Variants in NKAIN2 observed in about 807,000 individuals in gnomAD.
NKAIN2 encodes the protein sodium/potassium-transporting ATPase subunit beta-1-interacting protein 2.
A neutral mutation model predicts 32.6 loss-of-function variants in NKAIN2; 14 were observed. The observed-to-expected ratio is 0.43, with a 90% CI of 0.28 to 0.67. NKAIN2 has a LOEUF of 0.67. NKAIN2 is among the 30% of genes least tolerant of loss of function. NKAIN2 has a pLI of 0.17. For missense variants in NKAIN2, 198 were observed against 258.3 expected (o/e 0.77, Z 1.60); for synonymous variants, 80 against 87.2 (o/e 0.92, Z 0.46).
intron 6 of NKAIN2, among the ~76,000 whole-genome samples, chr6:124,821,697 C>G (rs1434003412): frequency 6.6e-6 from 1 of 152,160 alleles, no homozygotes; most frequent in African/African-American, 2.4e-5. Flanking sequence ...GATTTCAAGT[C>G]TCACTGGTCA....
intron 1 of NKAIN2, among the ~76,000 whole-genome samples, chr6:123,958,705 C>T (rs1409065664): frequency 6.6e-6 from 1 of 152,194 alleles, no homozygotes; most frequent in Non-Finnish European, 1.5e-5. Flanking sequence ...CTGGCTATTA[C>T]ATATTTCCTC....
At chr6:124,508,556 A>G (rs541033541) in intron 3 of NKAIN2, among the ~76,000 whole-genome samples, 10 of 151,812 alleles carry the variant, frequency 6.6e-5, no homozygotes, top group South Asian at 2.1e-4. Context: ...TGTTAGCCAG[A>G]ATGGTCTCGA....
At chr6:124,477,938 T>C (rs1777297371) in intron 3 of NKAIN2, among the ~76,000 whole-genome samples, 1 of 151,508 alleles carries the variant, frequency 6.6e-6, no homozygotes, top group South Asian at 2.1e-4. Flanking sequence ...TGCCAATGAA[T>C]ATCCTTTACA....
intron 3 of NKAIN2, among the ~76,000 whole-genome samples, chr6:124,488,387 A>G (rs1233996306): frequency 6.6e-6 from 1 of 152,014 alleles, no homozygotes; most frequent in African/African-American, 2.4e-5. Flanking sequence ...TTCTGTAATC[A>G]TATTATCTGC....
At chr6:124,178,766 G>T (rs1420160041) in intron 1 of NKAIN2, among the ~76,000 whole-genome samples, 1 of 152,146 alleles carries the variant, frequency 6.6e-6, no homozygotes, top group Non-Finnish European at 1.5e-5. Flanking sequence ...GGGCAATTTG[G>T]CTCTAGGCTC....
chr6:124,066,006 G>T (rs1438261274), intron 1 of NKAIN2, among the ~76,000 whole-genome samples: 1 of 152,094 alleles, frequency 6.6e-6, no homozygotes, highest in Non-Finnish European at 1.5e-5. Flanking sequence ...TTAAAGAGAA[G>T]GAAGTGGGGA....
rs9321001 is a variant in NKAIN2 at position 124,596,663 on chromosome 6, GGTGTGTGTGTGTGTGT to G, written c.274-61500_274-61485del. On this transcript the variant is annotated intron_variant, in intron 3 of 6. Coordinates refer to ENST00000368417, the MANE Select transcript of NKAIN2 (RefSeq NM_001040214.3). Reference sequence around the variant, plus strand: ...GAGAAACAGAACAAATAAACCATAGGGTGTGTGTGTGTGTGTGTGTGTGTGTGTGTGTGTGTGTAAG... The same window carrying G: ...GAGAAACAGAACAAATAAACCATAGGGTGTGTGTGTGTGTGTGTGTGTAAG... Among the ~76,000 whole-genome samples, 16 of 142,600 alleles carry G rather than the reference GGTGTGTGTGTGTGTGT, an allele frequency of 1.1e-4. No homozygotes were observed. The South Asian group carries it at 1.2e-3, about 11-fold the overall frequency. The allele number at this position is 142,600 out of a possible 152,430, so 93.6% of individuals were successfully genotyped here.
intron 2 of NKAIN2, among the ~76,000 whole-genome samples, chr6:124,312,247 C>G (rs1257372410): frequency 6.6e-6 from 1 of 152,112 alleles, no homozygotes; most frequent in Non-Finnish European, 1.5e-5. Context: ...AGATTTCTCC[C>G]CACCAGCAAG....
intron 3 of NKAIN2, among the ~76,000 whole-genome samples, chr6:124,504,367 G>A (rs1247768594): frequency 2.0e-5 from 3 of 151,994 alleles, no homozygotes; most frequent in Admixed American, 6.6e-5. Context: ...TTCCACACTT[G>A]GGCTAATTTC....
chr6:124,677,239 G>A (rs1272509949), intron 4 of NKAIN2, among the ~76,000 whole-genome samples: 1 of 152,190 alleles, frequency 6.6e-6, no homozygotes, highest in Non-Finnish European at 1.5e-5. Flanking sequence ...AAAGTGCTGG[G>A]ATTACAGGCG....
chr6:124,703,650 G>A (rs987402327), intron 4 of NKAIN2, among the ~76,000 whole-genome samples: 40 of 151,974 alleles, frequency 2.6e-4, no homozygotes, highest in African/African-American at 9.2e-4. Context: ...TCAGTCCCAC[G>A]AGCACAAGCC....
intron 1 of NKAIN2, among the ~76,000 whole-genome samples, chr6:123,959,908 A>T (rs2114608833): frequency 6.7e-6 from 1 of 150,176 alleles, no homozygotes; most frequent in East Asian, 2.0e-4. Context: ...GAGCAGAAGG[A>T]AATATGTCTT....
At chr6:124,475,729 G>C (rs1420600999) in intron 3 of NKAIN2, among the ~76,000 whole-genome samples, 1 of 152,102 alleles carries the variant, frequency 6.6e-6, no homozygotes, top group Non-Finnish European at 1.5e-5. Context: ...GTGAGCTGTA[G>C]TTCTGATTCA....
chr6:124,681,939 A>G (rs952798054), intron 4 of NKAIN2, among the ~76,000 whole-genome samples: 1 of 152,050 alleles, frequency 6.6e-6, no homozygotes, highest in African/African-American at 2.4e-5. Context: ...AAACCATGAA[A>G]GAAAGGAACA....
intron 3 of NKAIN2, among the ~76,000 whole-genome samples, chr6:124,426,247 G>A (rs549108502): frequency 6.6e-6 from 1 of 152,192 alleles, no homozygotes; most frequent in East Asian, 1.9e-4. Context: ...CTTTTCCAGT[G>A]GAAGAAAATC....
chr6:124,319,369 A>G (rs1177818617), intron 2 of NKAIN2, among the ~76,000 whole-genome samples: 1 of 152,134 alleles, frequency 6.6e-6, no homozygotes, highest in Admixed American at 6.6e-5. Flanking sequence ...CCAAAGACAT[A>G]GGGACACATT....
chr6:124,395,810 G>A (rs1024818540), intron 3 of NKAIN2, among the ~76,000 whole-genome samples: 3 of 151,970 alleles, frequency 2.0e-5, no homozygotes, highest in African/African-American at 7.3e-5. Context: ...TTGCTTTATA[G>A]GAAAATAGAT....
chr6:124,610,512 A>T (rs994420373), intron 3 of NKAIN2, among the ~76,000 whole-genome samples: 1 of 152,222 alleles, frequency 6.6e-6, no homozygotes, highest in East Asian at 1.9e-4. Flanking sequence ...ATGCTGGTTA[A>T]TATATTAATT....
chr6:124,325,777 GGT>G, intron 2 of NKAIN2, among the ~76,000 whole-genome samples: 1 of 152,070 alleles, frequency 6.6e-6, no homozygotes, highest in Middle Eastern at 3.4e-3. Context: ...TCCTAATGTG[GGT>G]GCTGATTATA....
Sources: allele counts gnomAD v4.1 joint callset (sites outside exome capture counted in the v4.1 genomes callset), GRCh38; gene constraint gnomAD v4.1.1; transcripts MANE v1.5; gene names NCBI Gene and HGNC (gene_info 2026-07-23, HGNC 2026-07-21).